Variants in TRPM4 observed in about 807,000 individuals in gnomAD.
TRPM4 encodes the protein transient receptor potential cation channel subfamily M member 4.
A neutral mutation model predicts 135.6 loss-of-function variants in TRPM4; 124 were observed. That is an observed-to-expected ratio of 0.91 (90% CI 0.79 to 1.06). The LOEUF (loss-of-function observed/expected upper bound fraction) is 1.06, where lower values mean the gene tolerates loss of function less well. Ranked by LOEUF, TRPM4 falls within the 50% of genes least tolerant of loss-of-function variation. The probability of loss-of-function intolerance (pLI) is 0.00; values close to 1 mark genes in which losing one functional copy is unlikely to be tolerated. For missense variants in TRPM4, 1,658 were observed against 1,671.4 expected, an observed-to-expected ratio of 0.99 and a Z score of 0.14; for synonymous variants, 745 against 705.6, an observed-to-expected ratio of 1.06 and a Z score of -0.88.
At chr19:49,158,048 C>A in intron 1 of TRPM4, 144 bp from the exon 2 acceptor site, 1 of 1,262,028 alleles carries the variant, frequency 7.9e-7, no homozygotes, top group Non-Finnish European at 1.1e-6. Flanking sequence ...GGTCGAGACT[C>A]CTGAGTCTGG....
At position 49,210,158 on chromosome 19, in the gene TRPM4, C is replaced by G. The variant is rs1969292348; in HGVS notation, c.3132-51C>G. On this transcript the variant is annotated intron_variant, in intron 20 of 24. Transcript: ENST00000252826. The surrounding 1 kb of genome is among the most constrained non-coding windows in gnomAD (Gnocchi z 4.1). ...GCCTGGCATCTAACCTTCGTCCTTG[C>G]CCCTGGCTGGGCCCTGACCTCAAGT... 1 of 1,591,324 alleles carries G rather than the reference C, an allele frequency of 6.3e-7. No individual in the cohort carries two copies.
At chr19:49,167,060 T>C (rs991676444) in intron 3 of TRPM4, among the ~76,000 whole-genome samples, 23 of 105,426 alleles carry the variant, frequency 2.2e-4, no homozygotes, top group East Asian at 8.9e-4. Flanking sequence ...TACTCTGGGT[T>C]TCTGTCCCCA....
chr19:49,191,586 G>A (rs1200103317), intron 16 of TRPM4, among the ~76,000 whole-genome samples: 3 of 151,786 alleles, frequency 2.0e-5, no homozygotes, highest in Admixed American at 6.6e-5. Context: ...TGTGATCTCC[G>A]CCTCCTGGGT....
chr19:49,171,279 C>T lies in TRPM4; in HGVS notation c.797-78C>T, dbSNP rs925160533. ...AGGACAAGGCTGATGTTTGCCGACT[C>T]CTGGGAAATGCGGTTTTCTCCTATC... On this transcript the variant is annotated intron_variant, in intron 6 of 24. Transcript: ENST00000252826. This position sits in a 1 kb window ranked among gnomAD's most constrained non-coding sequence, Gnocchi z 4.7. 5.7e-5 allele frequency: 86 copies of T among 1,509,334 alleles called. No homozygotes were observed. The highest frequency in any genetic ancestry group is 1.7e-4 in the Middle Eastern group (1 of 5,874). 93.5% of individuals were successfully genotyped at this position (1,509,334 alleles called of 1,614,324 possible). A position where few individuals can be genotyped will look rare whatever the true frequency, so the allele number is the denominator to read the frequency against.
In TRPM4 at chr19:49,196,556, G is replaced by C; in HGVS notation, c.2327G>C (p.Trp776Ser). The change falls in exon 17 of 25, where the codon TGG (tryptophan) becomes TCG (serine). Residue 776 changes from tryptophan to serine, a missense_variant. Around this residue, in one of 3 missense-constraint regions of TRPM4, gnomAD observed 1,412 missense variants for 1,408.7 expected, o/e 1.00. Coordinates refer to ENST00000252826, the MANE Select transcript of TRPM4 (RefSeq NM_017636.4). ...RRCLRRWFHF[W>S]GAPVTIFMGN... ...TGCCTACGCCGCTGGTTCCACTTCTGGGGCGCGCCGGTGACCATCTTCATG... is the reference window on the plus strand; with the variant it reads ...TGCCTACGCCGCTGGTTCCACTTCTCGGGCGCGCCGGTGACCATCTTCATG... 1.3e-6 allele frequency: 2 copies of C among 1,554,576 alleles called. No homozygotes were observed.
At position 49,200,334 on chromosome 19, in the gene TRPM4, G is replaced by A. The variant is rs1239774869; in HGVS notation, c.2680G>A (p.Val894Ile). 5.0e-6 allele frequency: 8 copies of A among 1,614,126 alleles called. No individual in the cohort carries two copies. Among genetic ancestry groups the A allele is most frequent in the Non-Finnish European group, 6.8e-6 (8 of 1,180,040 alleles). Residue 894 changes from valine (V) to isoleucine (I), a missense_variant, in exon 18 of 25, where the codon GTC becomes ATC. By Grantham distance (29) the Val-to-Ile change is conservative. This residue lies in a region of TRPM4 where 1,412 missense variants were observed against 1,408.7 expected (regional missense o/e 1.00). Coordinates refer to ENST00000252826, the MANE Select transcript of TRPM4 (RefSeq NM_017636.4). ...GGGTTTGTACCACCTGGGCCGCACT[G>A]TCCTCTGCATCGACTTCATGGTTTT... The part of the protein sequence containing the change: ...TPGLYHLGRT[V>I]LCIDFMVFTV...
intron 10 of TRPM4, among the ~76,000 whole-genome samples, chr19:49,182,026 A>ATCCATCCATTTG (rs1967948654): frequency 6.7e-6 from 1 of 150,192 alleles, no homozygotes; most frequent in African/African-American, 2.5e-5. Flanking sequence ...CTACTTATCC[A>ATCCATCCATTTG]TCCATCCATC....
intron 9 of TRPM4, among the ~76,000 whole-genome samples, chr19:49,174,316 C>A (rs910613483): frequency 6.6e-6 from 1 of 152,112 alleles, no homozygotes; most frequent in Admixed American, 6.5e-5. Flanking sequence ...TCATGCCCGG[C>A]TGATTTTTGT....
At position 49,206,117 on chromosome 19, in the gene TRPM4, C is replaced by A. The variant is rs184528907; in HGVS notation, c.3131+3976C>A. On this transcript the variant is annotated intron_variant, in intron 20 of 24. Transcript: ENST00000252826. Reference sequence around the variant, plus strand: ...CTGGGATTACAGGCACCTGCCACCACGCCCGGCTAATTTTTTTGTATTTTT... The same window carrying A: ...CTGGGATTACAGGCACCTGCCACCAAGCCCGGCTAATTTTTTTGTATTTTT... Among the ~76,000 whole-genome samples, 313 of 152,104 alleles carry A rather than the reference C, an allele frequency of 2.1e-3. 1 individual carries two copies. The highest frequency in any genetic ancestry group is 7.3e-3 in the African/African-American group (304 of 41,512).
chr19:49,200,851 C>G, intron 19 of TRPM4, 66 bp downstream of exon 19: 2 of 1,544,682 alleles, frequency 1.3e-6, no homozygotes, highest in Non-Finnish European at 1.8e-6. Context: ...GGTCTCTGTC[C>G]TCCTGGCTCT....
In TRPM4 at chr19:49,211,574, C is replaced by T. The variant is rs1969372936; in HGVS notation, c.*76C>T. 8 of 1,588,596 alleles carry T rather than the reference C, an allele frequency of 5.0e-6. No individual in the cohort carries two copies. Among genetic ancestry groups the T allele is most frequent in the South Asian group, 1.1e-5 (1 of 90,594 alleles). On this transcript the variant is annotated 3_prime_UTR_variant, in exon 25 of 25. Coordinates refer to ENST00000252826, the MANE Select transcript of TRPM4 (RefSeq NM_017636.4). This position sits in a 1 kb window ranked among gnomAD's most constrained non-coding sequence, Gnocchi z 4.8. ...AGAGTAAGGCTCATCTGGGCCTCGG[C>T]CCCCGCACCTGGTGGCCTTGTCCTT...
intron 20 of TRPM4, among the ~76,000 whole-genome samples, chr19:49,209,103 CT>C (rs1467900381): frequency 2.0e-5 from 3 of 152,140 alleles, no homozygotes. Flanking sequence ...ACTACCCTTA[CT>C]TTCCTAGGAT....
At chr19:49,196,404 G>A (rs1386512140) in intron 16 of TRPM4, 36 bp from the exon 17 acceptor site, 1 of 1,505,046 alleles carries the variant, frequency 6.6e-7, no homozygotes, top group Non-Finnish European at 8.9e-7. Context: ...AGAGGTCAGA[G>A]TGAGGCCTCC....
At position 49,188,767 on chromosome 19, in the gene TRPM4, G is replaced by T. The variant is rs1426647583; in HGVS notation, c.1870G>T (p.Val624Phe). ...DLAFKFEGMGVDLFGECYRSS... is the reference protein window; with the variant it reads ...DLAFKFEGMGFDLFGECYRSS... ...GGCGTTCAAGTTTGAGGGGATGGGC[G>T]TTGGTGCGTGGGGCACGGTGCCTGG... Residue 624 changes from valine to phenylalanine, a missense_variant, in exon 13 of 25, where the codon GTT becomes TTT. By Grantham distance (50) the Val-to-Phe change is conservative (BLOSUM62 -1). Coordinates refer to ENST00000252826, the MANE Select transcript of TRPM4 (RefSeq NM_017636.4). 6.2e-7 allele frequency: 1 copy of T among 1,614,098 alleles called. No individual in the cohort carries two copies. The highest frequency in any genetic ancestry group is 8.5e-7 in the Non-Finnish European group (1 of 1,179,996).
rs578238263 is a variant in TRPM4 at position 49,199,791 on chromosome 19, G to A, written c.2646-509G>A. Among the ~76,000 whole-genome samples, 135 of 152,220 alleles carry A rather than the reference G, an allele frequency of 8.9e-4. 1 individual carries two copies. Among genetic ancestry groups the A allele is most frequent in the South Asian group, 6.8e-3 (33 of 4,818 alleles). On this transcript the variant is annotated intron_variant, in intron 17 of 24. Transcript: ENST00000252826. ...TGGGATTACAGGCGTGAGCCACCGC[G>A]TCTGTCCATACACTAGGTTTTTAAT...
Position 49,211,036 on chromosome 19 carries a change from G to A in TRPM4, c.3483G>A (p.Gln1161=). The A allele has an allele frequency of 3.1e-6, 5 of 1,614,130 alleles. No homozygotes were observed. In the South Asian group the frequency reaches 4.4e-5, roughly 14 times the overall value. Residue 1161 remains glutamine, a synonymous_variant, in exon 23 of 25, where the codon CAG becomes CAA. Transcript: ENST00000252826. This position sits in a 1 kb window ranked among gnomAD's most constrained non-coding sequence, Gnocchi z 4.8. ...TSQKVDLALK[Q]LGHIREYEQR... ...TCAGGGTGGACTTGGCACTGAAACA[G>A]CTGGGACACATCCGCGAGTACGAAC...
At chr19:49,206,759 G>A (rs528132959) in intron 20 of TRPM4, among the ~76,000 whole-genome samples, 3 of 152,214 alleles carry the variant, frequency 2.0e-5, no homozygotes, top group African/African-American at 7.2e-5. Flanking sequence ...ATTTTCCGAG[G>A]GATTGCGTTG....
In TRPM4 at chr19:49,183,195, A is replaced by T; in HGVS notation, c.1726A>T (p.Met576Leu). 1 of 1,614,140 alleles carries T rather than the reference A, an allele frequency of 6.2e-7. No homozygotes were observed. Among genetic ancestry groups the T allele is most frequent in the South Asian group, 1.1e-5 (1 of 91,076 alleles). The change falls in exon 12 of 25, where the codon ATG becomes TTG. Residue 576 changes from methionine (M) to leucine (L), a missense_variant. Met to Leu is a conservative substitution (Grantham distance 15). Around this residue, in one of 3 missense-constraint regions of TRPM4, gnomAD observed 1,412 missense variants for 1,408.7 expected, o/e 1.00. Transcript: ENST00000252826. ...ALLLNRAQMA[M>L]YFWEMGSNAV... ...GTTGCTGAACAGGGCACAGATGGCC[A>T]TGTACTTCTGGGAGATGGTGAGTGC...
At chr19:49,187,503 C>A (rs570189653) in intron 12 of TRPM4, among the ~76,000 whole-genome samples, 1 of 151,526 alleles carries the variant, frequency 6.6e-6, no homozygotes, top group Non-Finnish European at 1.5e-5. Context: ...GACCACCACG[C>A]CTGGCTAACT....
Sources: gnomAD v4.1 joint callset for allele counts (sites outside exome capture counted in the v4.1 genomes callset) on GRCh38, gnomAD v4.1.1 for gene constraint, gnomAD v4.1.1 regional missense constraint, Gnocchi (gnomAD v3.1) non-coding constraint, MANE v1.5 for transcripts, NCBI Gene and HGNC (gene_info 2026-07-23, HGNC 2026-07-21) for gene names.